ATRNL1: variants seen among roughly 807,000 people sequenced by gnomAD.
The protein encoded by ATRNL1 is attractin-like protein 1.
Under a neutral mutation model 182.7 loss-of-function variants are expected in ATRNL1, and 95 were observed. The observed-to-expected ratio is 0.52, with a 90% confidence interval of 0.44 to 0.62. The LOEUF (loss-of-function observed/expected upper bound fraction) is 0.62, where lower values mean the gene tolerates loss of function less well. Among genes scored for constraint, ATRNL1 ranks in the 20% least tolerant of loss-of-function variants. ATRNL1 has a pLI of 0.00. For missense variants in ATRNL1, 1,471 were observed against 1,679.5 expected, an observed-to-expected ratio of 0.88 and a Z score of 2.17; for synonymous variants, 576 against 568.3, an observed-to-expected ratio of 1.01 and a Z score of -0.19.
intron 8 of ATRNL1, among the ~76,000 whole-genome samples, chr10:115,181,015 T>C (rs1436202711): frequency 6.6e-6 from 1 of 151,900 alleles, no homozygotes; most frequent in East Asian, 1.9e-4. Flanking sequence ...CAATAAAACC[T>C]GATTTACAAA....
intron 20 of ATRNL1, among the ~76,000 whole-genome samples, chr10:115,405,321 G>C (rs1844765215): frequency 6.6e-6 from 1 of 152,164 alleles, no homozygotes; most frequent in African/African-American, 2.4e-5. Context: ...CATGTCAAAT[G>C]CATGTGTGTT....
intron 26 of ATRNL1, among the ~76,000 whole-genome samples, chr10:115,566,798 A>G (rs1335295283): frequency 2.0e-5 from 3 of 152,170 alleles, no homozygotes; most frequent in Non-Finnish European, 4.4e-5. Context: ...ATTAAGTTAC[A>G]CATTAATGTT....
Position 115,093,782 on chromosome 10 carries a change from C to T in ATRNL1, c.32C>T (p.Thr11Ile). The change falls in exon 1 of 29, where the codon ACC becomes ATC. Residue 11 changes from threonine (T) to isoleucine (I), a missense_variant. Coordinates refer to ENST00000355044, the MANE Select transcript of ATRNL1 (RefSeq NM_207303.4). The surrounding 1 kb of genome is among the most constrained non-coding windows in gnomAD (Gnocchi z 6.1). METGGRARTG[T>I]PQPAAPGVWR... ...ACTGGGGGCCGGGCCCGCACTGGTA[C>T]CCCGCAGCCAGCGGCCCCGGGGGTG... is the stretch of plus-strand genomic sequence containing the variant. The T allele has an allele frequency of 7.0e-7, 1 of 1,425,072 alleles. No individual in the cohort carries two copies. 88.3% of individuals were successfully genotyped at this position (1,425,072 alleles called of 1,614,324 possible).
chr10:115,156,530 TCTG>T (rs1554882122), intron 5 of ATRNL1, among the ~76,000 whole-genome samples: 1 of 152,140 alleles, frequency 6.6e-6, no homozygotes, highest in Non-Finnish European at 1.5e-5. Flanking sequence ...ACAATTCTAC[TCTG>T]TATGATTATG....
chr10:115,311,729 T>G (rs1854039249), intron 17 of ATRNL1, among the ~76,000 whole-genome samples: 1 of 152,222 alleles, frequency 6.6e-6, no homozygotes, highest in African/African-American at 2.4e-5. Flanking sequence ...ATTATTGTGC[T>G]GCTGTCTATC....
intron 26 of ATRNL1, among the ~76,000 whole-genome samples, chr10:115,716,229 C>CA (rs1947246888): frequency 6.6e-6 from 1 of 152,062 alleles, no homozygotes; most frequent in South Asian, 2.1e-4. Context: ...GATGTCTTCA[C>CA]AAAGGAGCAT....
chr10:115,534,672 T>A (rs1851845811), intron 25 of ATRNL1, among the ~76,000 whole-genome samples: 1 of 152,204 alleles, frequency 6.6e-6, no homozygotes, highest in Non-Finnish European at 1.5e-5. Context: ...GTTATTTTGC[T>A]GGTTAGTTGA....
intron 27 of ATRNL1, among the ~76,000 whole-genome samples, chr10:115,774,503 C>A (rs565038548): frequency 6.6e-6 from 1 of 150,712 alleles, no homozygotes; most frequent in African/African-American, 2.4e-5. Context: ...GCTCTGAGGG[C>A]CCAGATAATA....
chr10:115,706,531 G>A (rs1418575528), intron 26 of ATRNL1, among the ~76,000 whole-genome samples: 6 of 151,778 alleles, frequency 4.0e-5, no homozygotes, highest in African/African-American at 1.5e-4. Flanking sequence ...AAATCACATA[G>A]TGCACTTTTA....
intron 26 of ATRNL1, among the ~76,000 whole-genome samples, chr10:115,652,218 CATT>C (rs1256957393): frequency 6.0e-5 from 9 of 149,062 alleles, no homozygotes; most frequent in African/African-American, 1.7e-4. Context: ...AGAAATCAGT[CATT>C]GTTGTTGTTG....
intron 24 of ATRNL1, among the ~76,000 whole-genome samples, chr10:115,508,564 T>G (rs1414186827): frequency 6.6e-6 from 1 of 152,004 alleles, no homozygotes. Flanking sequence ...AACACACAAA[T>G]CATAAGAAAA....
intron 1 of ATRNL1, among the ~76,000 whole-genome samples, chr10:115,117,760 T>C (rs1844556367): frequency 6.6e-6 from 1 of 152,104 alleles, no homozygotes; most frequent in African/African-American, 2.4e-5. Context: ...ATTTTTACTT[T>C]TACGAGGAAC....
chr10:115,927,724 A>G (rs1390860167), intron 28 of ATRNL1, among the ~76,000 whole-genome samples: 2 of 152,082 alleles, frequency 1.3e-5, no homozygotes, highest in African/African-American at 2.4e-5. Context: ...GTGTTTGACA[A>G]TATTTTATTG....
intron 27 of ATRNL1, among the ~76,000 whole-genome samples, chr10:115,840,633 A>C (rs1270361401): frequency 6.6e-6 from 1 of 152,104 alleles, no homozygotes; most frequent in Admixed American, 6.6e-5. Flanking sequence ...GTTGGGTGCT[A>C]AAGGTTGTTC....
At chr10:115,357,344 T>C (rs1856547826) in intron 19 of ATRNL1, among the ~76,000 whole-genome samples, 1 of 151,858 alleles carries the variant, frequency 6.6e-6, no homozygotes, top group Non-Finnish European at 1.5e-5. Context: ...TATTCTGATA[T>C]TTGTACAATT....
intron 28 of ATRNL1, among the ~76,000 whole-genome samples, chr10:115,854,946 C>T: frequency 6.6e-6 from 1 of 152,140 alleles, no homozygotes. Context: ...TTCCTCATAC[C>T]TTTGCAGACT....
In ATRNL1 at chr10:115,561,694, T is replaced by TGG. The variant is rs1554999713; in HGVS notation, c.3795+12159_3795+12160insGG. On this transcript the variant is annotated intron_variant, in intron 26 of 28. Transcript: ENST00000355044. ...CTGTGTGTGTGTGTGTGTGTGGGTG[T>TGG]GTGTGTGTGGGTGTGTGTGTGTGTG... is the stretch of plus-strand genomic sequence containing the variant. Among the ~76,000 whole-genome samples, 126 of 114,896 alleles carry TGG rather than the reference T, an allele frequency of 1.1e-3. 2 individuals are homozygous for TGG. Among genetic ancestry groups the TGG allele is most frequent in the Admixed American group, 1.6e-3 (17 of 10,536 alleles). 75.4% of individuals were successfully genotyped at this position (114,896 alleles called of 152,430 possible). A position where few individuals can be genotyped will look rare whatever the true frequency, so the allele number is the denominator to read the frequency against.
chr10:115,635,989 G>T (rs765990352), intron 26 of ATRNL1, among the ~76,000 whole-genome samples: 24 of 152,138 alleles, frequency 1.6e-4, no homozygotes, highest in Admixed American at 5.9e-4. Context: ...GCTTCCCCAT[G>T]TGAGGAGTGG....
chr10:115,541,240 A>T (rs541348496), intron 25 of ATRNL1, among the ~76,000 whole-genome samples: 3 of 152,302 alleles, frequency 2.0e-5, no homozygotes, highest in South Asian at 4.1e-4. Flanking sequence ...CCTTTCTCCA[A>T]AAATGACAAT....
Sources: allele counts gnomAD v4.1 joint callset (sites outside exome capture counted in the v4.1 genomes callset), GRCh38; gene constraint gnomAD v4.1.1; non-coding constraint Gnocchi (gnomAD v3.1); transcripts MANE v1.5; gene names NCBI Gene and HGNC (gene_info 2026-07-23, HGNC 2026-07-21).